Variants in DRC11 observed in about 807,000 individuals in gnomAD.
DRC11 encodes dynein regulatory complex subunit 11.
chr2:236,416,724 TATATATATATATATATATATATA>T, the DRC11 span, among the ~76,000 whole-genome samples: 81 of 20,500 alleles, frequency 4.0e-3, 3 homozygotes, highest in African/African-American at 9.8e-3. Flanking sequence ...TATATATTTA[TATATATATATATATATATATATA>T]TATATATATA....
At chr2:236,368,786 A>C in the DRC11 span, 1 of 154,680 alleles carries the variant, frequency 6.5e-6, no homozygotes, top group Non-Finnish European at 1.4e-5. Flanking sequence ...TTTGAAAGGA[A>C]GGGTATGAGT....
the DRC11 span, chr2:236,368,365 T>C: frequency 1.1e-6 from 1 of 937,292 alleles, no homozygotes; most frequent in Non-Finnish European, 1.7e-6. Flanking sequence ...CTGCATAATT[T>C]TGGCATCTGC....
chr2:236,426,133 T>C, the DRC11 span, among the ~76,000 whole-genome samples: 1 of 152,084 alleles, frequency 6.6e-6, no homozygotes, highest in Non-Finnish European at 1.5e-5. This position sits in a 1 kb window ranked among gnomAD's most constrained non-coding sequence, Gnocchi z 4.1. Flanking sequence ...TGTGGTTCCA[T>C]ATAAATTTTA....
chr2:236,357,363 T>C, the DRC11 span, among the ~76,000 whole-genome samples: 1 of 118,056 alleles, frequency 8.5e-6, no homozygotes, highest in Non-Finnish European at 1.6e-5. Flanking sequence ...GTATATATAT[T>C]ATAAATATAT....
At chr2:236,432,862 T>C in the DRC11 span, among the ~76,000 whole-genome samples, 1 of 152,196 alleles carries the variant, frequency 6.6e-6, no homozygotes, top group African/African-American at 2.4e-5. Flanking sequence ...GACATATTTC[T>C]TTCTTAGCTT....
the DRC11 span, among the ~76,000 whole-genome samples, chr2:236,317,021 C>A: frequency 1.3e-5 from 2 of 152,106 alleles, no homozygotes; most frequent in African/African-American, 4.8e-5. This position sits in a 1 kb window ranked among gnomAD's most constrained non-coding sequence, Gnocchi z 5.4. Flanking sequence ...CTCAGCCGGG[C>A]GAGGTGGCTC....
At chr2:236,341,726 C>G in the DRC11 span, among the ~76,000 whole-genome samples, 1 of 152,210 alleles carries the variant, frequency 6.6e-6, no homozygotes, top group Non-Finnish European at 1.5e-5. Context: ...TGGTTTCCCC[C>G]CCATGTCTTC....
At chr2:236,343,075 C>T in the DRC11 span, among the ~76,000 whole-genome samples, 1 of 152,178 alleles carries the variant, frequency 6.6e-6, no homozygotes, top group Admixed American at 6.5e-5. This position sits in a 1 kb window ranked among gnomAD's most constrained non-coding sequence, Gnocchi z 6.6. Context: ...AGCACAAGGG[C>T]TGATTCAAGG....
At chr2:236,373,089 A>G in the DRC11 span, among the ~76,000 whole-genome samples, 1 of 151,934 alleles carries the variant, frequency 6.6e-6, no homozygotes, top group Non-Finnish European at 1.5e-5. Context: ...TTTTATTTCT[A>G]AAGCATTACT....
the DRC11 span, among the ~76,000 whole-genome samples, chr2:236,389,854 T>C: frequency 6.6e-6 from 1 of 152,236 alleles, no homozygotes; most frequent in Non-Finnish European, 1.5e-5. Flanking sequence ...GGAAGTTACT[T>C]GGAATGTTTT....
At chr2:236,320,224 T>C in the DRC11 span, among the ~76,000 whole-genome samples, 2 of 152,386 alleles carry the variant, frequency 1.3e-5, no homozygotes, top group South Asian at 2.1e-4. Context: ...GTCCTGTTGC[T>C]GGGGCGGCTG....
the DRC11 span, among the ~76,000 whole-genome samples, chr2:236,456,495 C>T: frequency 1.3e-5 from 2 of 152,198 alleles, no homozygotes; most frequent in Non-Finnish European, 2.9e-5. The surrounding 1 kb of genome is among the most constrained non-coding windows in gnomAD (Gnocchi z 5.4). Context: ...TCTACACCCT[C>T]AATCAGGCTC....
the DRC11 span, among the ~76,000 whole-genome samples, chr2:236,371,066 G>C: frequency 9.2e-5 from 14 of 152,304 alleles, no homozygotes; most frequent in African/African-American, 2.6e-4. The surrounding 1 kb of genome is among the most constrained non-coding windows in gnomAD (Gnocchi z 5.1). Flanking sequence ...GATCTGTGCA[G>C]AGCATTCCTG....
At chr2:236,412,026 C>A in the DRC11 span, among the ~76,000 whole-genome samples, 1 of 151,682 alleles carries the variant, frequency 6.6e-6, no homozygotes, top group Non-Finnish European at 1.5e-5. Context: ...TGCATATGTA[C>A]CCTAAAACTT....
chr2:236,399,522 G>A, the DRC11 span: 1 of 1,547,928 alleles, frequency 6.5e-7, no homozygotes, highest in Non-Finnish European at 8.9e-7. This position sits in a 1 kb window ranked among gnomAD's most constrained non-coding sequence, Gnocchi z 7.0. Context: ...TTAATCTCAG[G>A]CAAGACCGGG....
chr2:236,464,071 C>T, the DRC11 span, among the ~76,000 whole-genome samples: 1 of 152,156 alleles, frequency 6.6e-6, no homozygotes. Context: ...TCTGAGCCAG[C>T]AAGGGAGAAG....
the DRC11 span, chr2:236,324,897 T>G: frequency 1.4e-6 from 1 of 739,982 alleles, no homozygotes; most frequent in Non-Finnish European, 2.3e-6. This position sits in a 1 kb window ranked among gnomAD's most constrained non-coding sequence, Gnocchi z 5.7. Flanking sequence ...CATTGTACTT[T>G]GGGCATTTAA....
the DRC11 span, among the ~76,000 whole-genome samples, chr2:236,316,635 C>G: frequency 6.6e-6 from 1 of 152,234 alleles, no homozygotes; most frequent in Admixed American, 6.5e-5. The surrounding 1 kb of genome is among the most constrained non-coding windows in gnomAD (Gnocchi z 6.8). Context: ...TTAAAAAGTA[C>G]GGTAATATTC....
the DRC11 span, among the ~76,000 whole-genome samples, chr2:236,356,781 G>C: frequency 0.074 from 11,121 of 149,738 alleles, 439 homozygotes; most frequent in Middle Eastern, 0.15. Context: ...TGGTACCTGG[G>C]GGGTGGCGGG....
Sources: gnomAD v4.1 joint callset for allele counts (sites outside exome capture counted in the v4.1 genomes callset) on GRCh38, gnomAD v4.1.1 for gene constraint, Gnocchi (gnomAD v3.1) non-coding constraint, MANE v1.5 for transcripts, NCBI Gene and HGNC (gene_info 2026-07-23, HGNC 2026-07-21) for gene names.